Variants in MCC observed in about 807,000 individuals in gnomAD.
MCC encodes the protein colorectal mutant cancer protein.
Under a neutral mutation model 116.2 loss-of-function variants are expected in MCC, and 90 were observed. The observed-to-expected ratio is 0.77, with a 90% CI of 0.65 to 0.92. MCC has a LOEUF of 0.92. Ranked by LOEUF, MCC falls within the 40% of genes least tolerant of loss-of-function variation. The pLI is 0.00. For missense variants in MCC, 1,516 were observed against 1,312.2 expected, an observed-to-expected ratio of 1.16 and a Z score of -2.40; for synonymous variants, 578 against 510.5, an observed-to-expected ratio of 1.13 and a Z score of -1.78.
chr5:113,200,326 G>T (rs1054409696), intron 3 of MCC, among the ~76,000 whole-genome samples: 1 of 152,180 alleles, frequency 6.6e-6, no homozygotes, highest in Non-Finnish European at 1.5e-5. Flanking sequence ...CAACAGGCAG[G>T]TACAGTTTGT....
At chr5:113,123,941 C>A (rs563173404) in intron 5 of MCC, among the ~76,000 whole-genome samples, 1 of 152,192 alleles carries the variant, frequency 6.6e-6, no homozygotes. Flanking sequence ...CTGGGTGGAC[C>A]AAAATGATGA....
At chr5:113,270,640 T>A (rs1163238061) in intron 3 of MCC, among the ~76,000 whole-genome samples, 2 of 148,310 alleles carry the variant, frequency 1.3e-5, no homozygotes, top group African/African-American at 2.5e-5. Flanking sequence ...TGTTTTCTGA[T>A]GTGAGGCCCA....
chr5:113,079,503 G>A lies in MCC; in HGVS notation c.1784+3357C>T, dbSNP rs183431098. On this transcript the variant is annotated intron_variant, in intron 11 of 18. Transcript: ENST00000408903. ...GAATAGAGCCCTCAGAAATAATACC[G>A]CACATCTACAACCATCTGATCTTTG... Among the ~76,000 whole-genome samples the A allele has an allele frequency of 1.1e-3, 172 of 152,124 alleles. 1 individual carries two copies. The highest frequency in any genetic ancestry group is 3.3e-3 in the African/African-American group (138 of 41,496).
intron 4 of MCC, among the ~76,000 whole-genome samples, chr5:113,145,778 ACACACAAACACACAC>A (rs1396925066): frequency 7.3e-5 from 1 of 13,720 alleles, no homozygotes; most frequent in Non-Finnish European, 1.9e-4. Flanking sequence ...ACACACACAC[ACACACAAACACACAC>A]ACACACACAC....
intron 1 of MCC, among the ~76,000 whole-genome samples, chr5:113,416,388 C>T (rs903617535): frequency 4.6e-5 from 7 of 151,920 alleles, no homozygotes; most frequent in Admixed American, 3.3e-4. Context: ...CTGTGAATAG[C>T]CCCTGCACTC....
chr5:113,061,297 G>A (rs903576148), intron 14 of MCC, among the ~76,000 whole-genome samples: 7 of 152,208 alleles, frequency 4.6e-5, no homozygotes, highest in African/African-American at 7.2e-5. Flanking sequence ...TGCTGTGGCC[G>A]ATCCTGTCTT....
At chr5:113,179,106 C>T (rs1011963315) in intron 3 of MCC, among the ~76,000 whole-genome samples, 3 of 152,184 alleles carry the variant, frequency 2.0e-5, no homozygotes, top group Non-Finnish European at 4.4e-5. Context: ...TACAGAGACC[C>T]TTTAAGAACA....
rs748673215 is a variant in MCC, at chr5:113,341,224, GTTTC to G, written c.416-498_416-495del. On this transcript the variant is annotated intron_variant, in intron 2 of 18. Coordinates refer to ENST00000408903, the MANE Select transcript of MCC (RefSeq NM_001085377.2). ...CCTCTCTGTCTCTCTTTCTTTCTCT[GTTTC>G]TTTCTTTCTTTCTTTTTTTGAGGCA... 3.4e-3 allele frequency among the ~76,000 whole-genome samples: 514 copies of G among 149,794 alleles called. 2 individuals carry two copies. Among genetic ancestry groups the G allele is most frequent in the African/African-American group, 0.012 (477 of 40,608 alleles).
At chr5:113,269,144 A>G in intron 3 of MCC, 1 of 984,704 alleles carries the variant, frequency 1.0e-6, no homozygotes, top group African/African-American at 1.7e-5. Flanking sequence ...CTGGAGGGAG[A>G]CAAGGCAGAA....
In MCC at chr5:113,459,490, A is replaced by G. The variant is rs531674298; in HGVS notation, c.170+28755T>C. 1.3e-3 allele frequency among the ~76,000 whole-genome samples: 192 copies of G among 151,622 alleles called. 1 individual carries two copies. Among genetic ancestry groups the G allele is most frequent in the African/African-American group, 4.5e-3 (187 of 41,276 alleles). Reference sequence around the variant, plus strand: ...GAGGTAGAGCTTGCAGTGAGCCGAGATCCCACCACTGCACTCCAGCTTGGG... The same window carrying G: ...GAGGTAGAGCTTGCAGTGAGCCGAGGTCCCACCACTGCACTCCAGCTTGGG... On this transcript the variant is annotated intron_variant, in intron 1 of 18. Coordinates refer to ENST00000408903, the MANE Select transcript of MCC (RefSeq NM_001085377.2).
chr5:113,468,215 T>C (rs993025879), intron 1 of MCC, among the ~76,000 whole-genome samples: 2 of 152,090 alleles, frequency 1.3e-5, no homozygotes, highest in Non-Finnish European at 2.9e-5. Flanking sequence ...CTTCCAACAC[T>C]ATGTTGAATA....
In MCC at chr5:113,085,852, C is replaced by A. The variant is rs952253147; in HGVS notation, c.1399-542G>T. On this transcript the variant is annotated intron_variant, in intron 8 of 18. Coordinates refer to ENST00000408903, the MANE Select transcript of MCC (RefSeq NM_001085377.2). Reference sequence around the variant, plus strand: ...GACTAGGTGCACACACCACACCTGGCTAATTTTTAAATTCCTTTGTAAAGA... The same window carrying A: ...GACTAGGTGCACACACCACACCTGGATAATTTTTAAATTCCTTTGTAAAGA... Among the ~76,000 whole-genome samples, 3 of 152,148 alleles carry A rather than the reference C, an allele frequency of 2.0e-5. No individual in the cohort carries two copies. In the South Asian group the frequency reaches 6.2e-4, roughly 32 times the overall value.
At chr5:113,261,203 C>G (rs1765207740) in intron 3 of MCC, among the ~76,000 whole-genome samples, 1 of 152,124 alleles carries the variant, frequency 6.6e-6, no homozygotes, top group Non-Finnish European at 1.5e-5. Flanking sequence ...TTGCACTAGC[C>G]TACAGTTGGG....
intron 3 of MCC, among the ~76,000 whole-genome samples, chr5:113,151,930 T>G (rs974560096): frequency 6.6e-6 from 1 of 152,170 alleles, no homozygotes; most frequent in African/African-American, 2.4e-5. Flanking sequence ...CAGAGCTCAT[T>G]TTTTAGATGG....
chr5:113,262,438 G>A (rs1386849644), intron 3 of MCC, among the ~76,000 whole-genome samples: 1 of 152,062 alleles, frequency 6.6e-6, no homozygotes, highest in Non-Finnish European at 1.5e-5. Context: ...TGTTAGGGCT[G>A]GGCCCACCTT....
At chr5:113,188,619 G>A (rs1478855584) in intron 3 of MCC, among the ~76,000 whole-genome samples, 1 of 152,190 alleles carries the variant, frequency 6.6e-6, no homozygotes, top group Non-Finnish European at 1.5e-5. Flanking sequence ...GAGGAGTATG[G>A]TATAAAGAGA....
chr5:113,444,641 T>C (rs940963002), intron 1 of MCC, among the ~76,000 whole-genome samples: 2 of 152,228 alleles, frequency 1.3e-5, no homozygotes, highest in Admixed American at 1.3e-4. Context: ...TTACTAGGTC[T>C]CAAAGGCCAT....
At chr5:113,275,187 C>G (rs1765777306) in intron 3 of MCC, among the ~76,000 whole-genome samples, 1 of 152,200 alleles carries the variant, frequency 6.6e-6, no homozygotes, top group Non-Finnish European at 1.5e-5. Flanking sequence ...AAGCTACAAG[C>G]AGCCCCTCCT....
intron 3 of MCC, among the ~76,000 whole-genome samples, chr5:113,275,472 A>C (rs1765787015): frequency 6.6e-6 from 1 of 152,166 alleles, no homozygotes; most frequent in Non-Finnish European, 1.5e-5. Context: ...GGGCCAGAAA[A>C]TAAAATTCAG....
Sources: allele counts gnomAD v4.1 joint callset (sites outside exome capture counted in the v4.1 genomes callset), GRCh38; gene constraint gnomAD v4.1.1; transcripts MANE v1.5; gene names NCBI Gene and HGNC (gene_info 2026-07-23, HGNC 2026-07-21).